The following KBTBD12 variants were observed in gnomAD, a reference collection of about 807,000 sequenced individuals.
The protein encoded by KBTBD12 is kelch repeat and BTB domain-containing protein 12.
KBTBD12 carries 53 observed loss-of-function variants against 58.7 expected under a neutral mutation model. That is an observed-to-expected ratio of 0.90 (90% CI 0.72 to 1.14). The LOEUF (loss-of-function observed/expected upper bound fraction) is 1.14, where lower values mean the gene tolerates loss of function less well. Among genes scored for constraint, KBTBD12 ranks in the 50% most tolerant of loss-of-function variants. The probability of loss-of-function intolerance (pLI) is 0.00; values close to 1 mark genes in which losing one functional copy is unlikely to be tolerated. For synonymous variants in KBTBD12, 236 were observed against 259.8 expected (o/e 0.91, Z 0.88); for missense variants, 704 against 751.3 (o/e 0.94, Z 0.74).
At chr3:127,972,630 A>C (rs181790884) in intron 5 of KBTBD12, among the ~76,000 whole-genome samples, 29 of 152,312 alleles carry the variant, frequency 1.9e-4, no homozygotes, top group Non-Finnish European at 3.2e-4. Flanking sequence ...CTTCTTCACA[A>C]AATAGCTGAT....
chr3:127,958,282 C>G (rs1940359980), intron 4 of KBTBD12, among the ~76,000 whole-genome samples: 1 of 152,138 alleles, frequency 6.6e-6, no homozygotes, highest in South Asian at 2.1e-4. Context: ...TGACATTCAT[C>G]TGCAGCTGGC....
chr3:127,964,435 C>T (rs1304846141), intron 5 of KBTBD12, among the ~76,000 whole-genome samples: 3 of 151,284 alleles, frequency 2.0e-5, no homozygotes, highest in African/African-American at 7.3e-5. Flanking sequence ...AGTTTGAGAC[C>T]ATCCTGGCCA....
intron 4 of KBTBD12, among the ~76,000 whole-genome samples, chr3:127,954,087 G>A (rs1438732445): frequency 1.3e-5 from 2 of 152,248 alleles, no homozygotes; most frequent in Non-Finnish European, 2.9e-5. Flanking sequence ...CTGACATGCA[G>A]GAGGAGACCA....
chr3:127,977,057 A>G (rs546627595), intron 5 of KBTBD12, among the ~76,000 whole-genome samples: 12 of 152,202 alleles, frequency 7.9e-5, no homozygotes, highest in East Asian at 7.7e-4. Context: ...TGTGTACTCA[A>G]TGTTTAGCTC....
chr3:127,926,899 C>T (rs1559761218), intron 2 of KBTBD12, among the ~76,000 whole-genome samples: 3 of 152,042 alleles, frequency 2.0e-5, no homozygotes, highest in African/African-American at 7.3e-5. Flanking sequence ...CTCTGACCAA[C>T]CCCATGAAGT....
At chr3:127,964,512 C>A (rs1260243216) in intron 5 of KBTBD12, among the ~76,000 whole-genome samples, 5 of 151,110 alleles carry the variant, frequency 3.3e-5, no homozygotes, top group Non-Finnish European at 7.4e-5. Flanking sequence ...TGTGGTGGTG[C>A]CTGCCTGTAA....
At chr3:127,947,189 A>G (rs1940102479) in intron 4 of KBTBD12, among the ~76,000 whole-genome samples, 1 of 152,112 alleles carries the variant, frequency 6.6e-6, no homozygotes. Context: ...ATACTGAGCT[A>G]TGGAAAAGAA....
intron 5 of KBTBD12, among the ~76,000 whole-genome samples, chr3:127,976,459 T>C (rs1198493972): frequency 1.3e-5 from 2 of 152,240 alleles, no homozygotes; most frequent in Non-Finnish European, 2.9e-5. Flanking sequence ...TCTTGATGTC[T>C]ATCCGATATT....
In KBTBD12 at chr3:127,930,224, T is replaced by G. The variant is rs768102910; in HGVS notation, c.1433T>G (p.Met478Arg). Residue 478 changes from methionine to arginine, a missense_variant, in exon 4 of 6, where the codon ATG becomes AGG. Transcript: ENST00000405109. Reference protein sequence around the residue: ...SQDQWSVRAPMKYSKYRFSTA... With the variant: ...SQDQWSVRAPRKYSKYRFSTA... Reference sequence around the variant, plus strand: ...GATCAATGGAGTGTGCGGGCACCCATGAAGTACTCTAAGTACCGATTCAGT... The same window carrying G: ...GATCAATGGAGTGTGCGGGCACCCAGGAAGTACTCTAAGTACCGATTCAGT... 1.2e-6 allele frequency: 2 copies of G among 1,610,492 alleles called. No homozygotes were observed. The highest frequency in any genetic ancestry group is 2.2e-5 in the South Asian group (2 of 90,352).
intron 4 of KBTBD12, among the ~76,000 whole-genome samples, chr3:127,957,907 AGAGG>A (rs1347809105): frequency 6.6e-6 from 1 of 152,250 alleles, no homozygotes; most frequent in African/African-American, 2.4e-5. Context: ...AAGCCTAAAA[AGAGG>A]GAATGGCCAA....
chr3:127,980,145 C>A (rs1553715607), intron 5 of KBTBD12, among the ~76,000 whole-genome samples: 1 of 151,880 alleles, frequency 6.6e-6, no homozygotes, highest in Admixed American at 6.5e-5. Flanking sequence ...GACATTGAAA[C>A]ATGAAAAAAA....
chr3:127,969,028 C>G (rs1043569522), intron 5 of KBTBD12, among the ~76,000 whole-genome samples: 5 of 152,144 alleles, frequency 3.3e-5, no homozygotes, highest in Admixed American at 6.5e-5. Context: ...AAATCAGGAA[C>G]AAGGCATGAA....
At chr3:127,959,257 C>G (rs1267877434) in intron 4 of KBTBD12, among the ~76,000 whole-genome samples, 2 of 152,160 alleles carry the variant, frequency 1.3e-5, no homozygotes, top group Admixed American at 1.3e-4. Flanking sequence ...CTCCTAGAAG[C>G]CTATGCATTG....
intron 4 of KBTBD12, among the ~76,000 whole-genome samples, chr3:127,935,927 A>G (rs1240108722): frequency 1.3e-5 from 2 of 152,236 alleles, no homozygotes; most frequent in African/African-American, 4.8e-5. Flanking sequence ...TGCAGTGACT[A>G]TATCATCAGA....
intron 5 of KBTBD12, among the ~76,000 whole-genome samples, chr3:127,981,257 G>A (rs1301738810): frequency 2.0e-5 from 3 of 152,188 alleles, no homozygotes; most frequent in African/African-American, 7.2e-5. Context: ...GTTCTGCCAT[G>A]TATCAGCTGT....
At chr3:127,927,559 A>C (rs1218348727) in intron 2 of KBTBD12, among the ~76,000 whole-genome samples, 1 of 152,168 alleles carries the variant, frequency 6.6e-6, no homozygotes, top group African/African-American at 2.4e-5. Context: ...ATATGTGGCT[A>C]ATTATTTTAA....
Position 127,938,543 on chromosome 3 carries a change from T to C in KBTBD12, c.1492+8260T>C, listed in dbSNP as rs142018581. On this transcript the variant is annotated intron_variant, in intron 4 of 5. Coordinates refer to ENST00000405109, the MANE Select transcript of KBTBD12 (RefSeq NM_207335.4). Reference sequence around the variant, plus strand: ...AGAATAAACAAGACAACTGATAACATGAAATAAAAAGCTAGATATTAGATG... The same window carrying C: ...AGAATAAACAAGACAACTGATAACACGAAATAAAAAGCTAGATATTAGATG... Among the ~76,000 whole-genome samples the C allele has an allele frequency of 6.7e-3, 1,014 of 152,076 alleles. 16 individuals carry two copies. Among genetic ancestry groups the C allele is most frequent in the African/African-American group, 0.023 (936 of 41,500 alleles).
At chr3:127,950,924 G>A (rs909861882) in intron 4 of KBTBD12, among the ~76,000 whole-genome samples, 1 of 152,122 alleles carries the variant, frequency 6.6e-6, no homozygotes, top group Non-Finnish European at 1.5e-5. Context: ...AGCTACTCAG[G>A]AGGCTGAGGC....
intron 5 of KBTBD12, among the ~76,000 whole-genome samples, chr3:127,969,170 C>T (rs985042337): frequency 2.0e-5 from 3 of 151,694 alleles, no homozygotes; most frequent in African/African-American, 4.8e-5. Flanking sequence ...TCATTTTTTT[C>T]GAAAATCTTA....
Sources: allele counts gnomAD v4.1 joint callset (sites outside exome capture counted in the v4.1 genomes callset), GRCh38; gene constraint gnomAD v4.1.1; transcripts MANE v1.5; gene names NCBI Gene and HGNC (gene_info 2026-07-23, HGNC 2026-07-21).